Variants in KCNIP4 observed in about 807,000 individuals in gnomAD.
The protein encoded by KCNIP4 is Kv channel-interacting protein 4.
KCNIP4 carries 12 observed loss-of-function variants against 34.0 expected under a neutral mutation model. That is an observed-to-expected ratio of 0.35 (90% CI 0.23 to 0.57). The LOEUF is 0.57. Ranked by LOEUF, KCNIP4 falls within the 20% of genes least tolerant of loss-of-function variation. The pLI is 0.83. For missense variants in KCNIP4, 238 were observed against 311.7 expected (o/e 0.76, Z 1.78); for synonymous variants, 124 against 102.2 (o/e 1.21, Z -1.29).
intron 3 of KCNIP4, among the ~76,000 whole-genome samples, chr4:20,848,927 C>T (rs755428201): frequency 2.6e-5 from 4 of 152,062 alleles, no homozygotes; most frequent in Non-Finnish European, 5.9e-5. Context: ...GACTTTTGGC[C>T]CAGATTGGTC....
intron 1 of KCNIP4, among the ~76,000 whole-genome samples, chr4:21,523,842 A>C (rs560281458): frequency 6.6e-6 from 1 of 152,006 alleles, no homozygotes; most frequent in Non-Finnish European, 1.5e-5. Flanking sequence ...CAAAGTGCTA[A>C]GATTACAGGT....
chr4:21,831,796 TC>T (rs1263354448), intron 1 of KCNIP4, among the ~76,000 whole-genome samples: 4 of 150,758 alleles, frequency 2.7e-5, no homozygotes, highest in African/African-American at 9.8e-5. Flanking sequence ...ACTTCCAAAC[TC>T]ATTTTATACA....
In KCNIP4 at chr4:21,908,481, C is replaced by A. The variant is rs115990155; in HGVS notation, c.61+40090G>T. 9.8e-3 allele frequency among the ~76,000 whole-genome samples: 1,497 copies of A among 152,226 alleles called. 32 individuals are homozygous for A. The highest frequency in any genetic ancestry group is 0.034 in the African/African-American group (1,426 of 41,530). ...TAATACAGGCAAGCCCATTATTAGG[C>A]AATAAATGAGGTTCACCATTCAATC... On this transcript the variant is annotated intron_variant, in intron 1 of 8. Transcript: ENST00000382152.
intron 1 of KCNIP4, among the ~76,000 whole-genome samples, chr4:21,438,490 T>C (rs1727158464): frequency 6.6e-6 from 1 of 152,220 alleles, no homozygotes; most frequent in African/African-American, 2.4e-5. Context: ...ATATGTCTTT[T>C]ATTTAGGAAT....
At chr4:21,215,286 C>A (rs536332534) in intron 1 of KCNIP4, among the ~76,000 whole-genome samples, 1 of 151,986 alleles carries the variant, frequency 6.6e-6, no homozygotes, top group South Asian at 2.1e-4. Context: ...AATGAAGATA[C>A]TTCAATTAGA....
At chr4:21,176,175 C>A (rs114968611) in intron 1 of KCNIP4, among the ~76,000 whole-genome samples, 4 of 152,158 alleles carry the variant, frequency 2.6e-5, no homozygotes, top group Non-Finnish European at 5.9e-5. Context: ...GGCTTTAAGA[C>A]CAAGACTGCA....
intron 1 of KCNIP4, among the ~76,000 whole-genome samples, chr4:21,429,104 G>T (rs1369590309): frequency 6.6e-6 from 1 of 152,096 alleles, no homozygotes; most frequent in East Asian, 1.9e-4. Context: ...TAGGTTCACT[G>T]CCTTAAAAAT....
intron 1 of KCNIP4, among the ~76,000 whole-genome samples, chr4:21,470,494 G>A (rs1577414021): frequency 6.6e-6 from 1 of 152,192 alleles, no homozygotes; most frequent in African/African-American, 2.4e-5. Flanking sequence ...AGGAAAAATA[G>A]ATAATGTGGT....
intron 1 of KCNIP4, among the ~76,000 whole-genome samples, chr4:21,659,459 A>G (rs549936310): frequency 8.5e-4 from 130 of 152,236 alleles, no homozygotes; most frequent in African/African-American, 3.0e-3. Context: ...TAGTTTTTCA[A>G]TAAAATAACA....
intron 1 of KCNIP4, among the ~76,000 whole-genome samples, chr4:21,744,134 A>G (rs1284387951): frequency 6.6e-6 from 1 of 152,134 alleles, no homozygotes; most frequent in Admixed American, 6.6e-5. Context: ...CATTTTGCAG[A>G]CCTATTAATA....
At chr4:21,076,999 C>T (rs1745548711) in intron 1 of KCNIP4, among the ~76,000 whole-genome samples, 1 of 152,046 alleles carries the variant, frequency 6.6e-6, no homozygotes, top group South Asian at 2.1e-4. Flanking sequence ...ATGGCATGAG[C>T]CAGTCATCCA....
intron 1 of KCNIP4, among the ~76,000 whole-genome samples, chr4:21,930,931 A>T (rs1729525772): frequency 6.6e-6 from 1 of 152,160 alleles, no homozygotes; most frequent in South Asian, 2.1e-4. Context: ...AGTATTTGAG[A>T]GCCAACCATC....
At position 21,049,099 on chromosome 4, in the gene KCNIP4, C is replaced by T. The variant is rs571717751; in HGVS notation, c.62-166390G>A. Reference sequence around the variant, plus strand: ...CCGAGTAGCTGGGACTACAGGCGCCCGCTACCACGCCCGGCTAATTTTTTG... The same window carrying T: ...CCGAGTAGCTGGGACTACAGGCGCCTGCTACCACGCCCGGCTAATTTTTTG... On this transcript the variant is annotated intron_variant, in intron 1 of 8. Coordinates refer to ENST00000382152, the MANE Select transcript of KCNIP4 (RefSeq NM_025221.6). 1.5e-4 allele frequency among the ~76,000 whole-genome samples: 23 copies of T among 151,092 alleles called. No homozygotes were observed. The South Asian group carries it at 4.0e-3, about 26-fold the overall frequency.
intron 3 of KCNIP4, among the ~76,000 whole-genome samples, chr4:20,783,434 A>G (rs1229244141): frequency 6.6e-6 from 1 of 152,192 alleles, no homozygotes; most frequent in Admixed American, 6.5e-5. Flanking sequence ...ATGGCTGGGG[A>G]GGCCTCAGAA....
intron 1 of KCNIP4, chr4:21,844,933 A>G (rs900562457): frequency 2.0e-5 from 3 of 149,608 alleles, no homozygotes; most frequent in African/African-American, 7.3e-5. Flanking sequence ...AACTTATCAT[A>G]TTGGTAATAA....
intron 1 of KCNIP4, among the ~76,000 whole-genome samples, chr4:21,492,297 C>T (rs1203535286): frequency 6.6e-6 from 1 of 152,170 alleles, no homozygotes; most frequent in African/African-American, 2.4e-5. Flanking sequence ...TAGCTTACTA[C>T]AGTCTTGAAC....
chr4:20,926,756 G>A (rs903167065), intron 1 of KCNIP4, among the ~76,000 whole-genome samples: 6 of 152,124 alleles, frequency 3.9e-5, no homozygotes, highest in African/African-American at 1.4e-4. Flanking sequence ...ATACTGAACT[G>A]CCTGGACATT....
intron 1 of KCNIP4, among the ~76,000 whole-genome samples, chr4:21,750,356 A>C (rs879646520): frequency 2.0e-5 from 3 of 152,192 alleles, no homozygotes; most frequent in Non-Finnish European, 4.4e-5. Flanking sequence ...AATAAAGAAC[A>C]CAAAAACTTA....
intron 1 of KCNIP4, among the ~76,000 whole-genome samples, chr4:21,870,479 T>A (rs1430103314): frequency 6.6e-6 from 1 of 152,212 alleles, no homozygotes; most frequent in African/African-American, 2.4e-5. Context: ...TATATGCTAC[T>A]GATACATGTG....
Sources: allele counts gnomAD v4.1 joint callset (sites outside exome capture counted in the v4.1 genomes callset), GRCh38; gene constraint gnomAD v4.1.1; transcripts MANE v1.5; gene names NCBI Gene and HGNC (gene_info 2026-07-23, HGNC 2026-07-21).